The following METAP1 variants were observed in gnomAD, a reference collection of about 807,000 sequenced individuals.
METAP1 encodes the protein methionyl aminopeptidase 1.
A neutral mutation model predicts 53.8 loss-of-function variants in METAP1; 28 were observed. The observed-to-expected ratio is 0.52, with a 90% CI of 0.39 to 0.71. The LOEUF (loss-of-function observed/expected upper bound fraction) is 0.71, where lower values mean the gene tolerates loss of function less well. METAP1 is among the 30% of genes least tolerant of loss of function. The probability of loss-of-function intolerance (pLI) is 0.00; values close to 1 mark genes in which losing one functional copy is unlikely to be tolerated. For missense variants in METAP1, 389 were observed against 479.8 expected (o/e 0.81, Z 1.77); for synonymous variants, 181 against 165.7 (o/e 1.09, Z -0.71).
At chr4:99,056,475 G>A (rs1429925554) in intron 9 of METAP1, among the ~76,000 whole-genome samples, 1 of 152,138 alleles carries the variant, frequency 6.6e-6, no homozygotes, top group Admixed American at 6.5e-5. Flanking sequence ...AGTACTTGGA[G>A]AGAGAAATGG....
intron 10 of METAP1, among the ~76,000 whole-genome samples, 162 bp from the exon 11 acceptor site, chr4:99,060,992 C>T (rs1727510166): frequency 6.6e-6 from 1 of 152,148 alleles, no homozygotes; most frequent in Non-Finnish European, 1.5e-5. Context: ...GAAATTTAAA[C>T]ATCAAACATA....
intron 1 of METAP1, chr4:99,022,561 T>G: frequency 1.6e-6 from 1 of 645,112 alleles, no homozygotes. Flanking sequence ...TTGTCCCCAT[T>G]CCACACTTTG....
chr4:99,040,518 A>T (rs1725780494), intron 5 of METAP1, among the ~76,000 whole-genome samples: 2 of 151,242 alleles, frequency 1.3e-5, no homozygotes, highest in South Asian at 2.1e-4. Context: ...CTCAGGCTAG[A>T]GTACAGTGGC....
chr4:99,026,540 T>G, intron 1 of METAP1: 4 of 985,332 alleles, frequency 4.1e-6, no homozygotes, highest in Non-Finnish European at 4.8e-6. Flanking sequence ...GGAAGTGTGG[T>G]GTTTGCCTGG....
chr4:99,022,925 C>T (rs1579270553), intron 1 of METAP1: 1 of 1,500,304 alleles, frequency 6.7e-7, no homozygotes, highest in Non-Finnish European at 9.0e-7. Context: ...CTGACCTCAC[C>T]ATAGGCACTG....
intron 1 of METAP1, among the ~76,000 whole-genome samples, chr4:99,024,587 C>T (rs899405794): frequency 6.6e-6 from 1 of 152,198 alleles, no homozygotes; most frequent in South Asian, 2.1e-4. Flanking sequence ...TGGGTGATGG[C>T]AGCTGATCCA....
At position 99,057,786 on chromosome 4, in the gene METAP1, A is replaced by G. The variant is rs1727259714; in HGVS notation, c.965A>G (p.His322Arg). The change falls in exon 10 of 11, where the codon CAT (histidine) becomes CGT (arginine). Residue 322 changes from histidine (H) to arginine (R), a missense_variant. His to Arg is a conservative substitution (Grantham distance 29). Coordinates refer to ENST00000296411, the MANE Select transcript of METAP1 (RefSeq NM_015143.3). ...NKAVGVMKSG[H>R]VFTIEPMICE... ...GCAGTTGGAGTGATGAAGTCGGGCC[A>G]TGTATTTACAATTGAGCCAATGATT... 6.3e-7 allele frequency: 1 copy of G among 1,596,858 alleles called. No individual in the cohort carries two copies. Among genetic ancestry groups the G allele is most frequent in the Non-Finnish European group, 8.5e-7 (1 of 1,171,134 alleles).
At position 99,003,083 on chromosome 4, in the gene METAP1, A is replaced by G. The variant is rs139042034; in HGVS notation, c.114+7216A>G. ...GACTGTCTCAAAAACAAACAAACAAACAAAAAACAACAAACCAAGAAAAGC... is the reference window on the plus strand; with the variant it reads ...GACTGTCTCAAAAACAAACAAACAAGCAAAAAACAACAAACCAAGAAAAGC... On this transcript the variant is annotated intron_variant, in intron 1 of 10. Coordinates refer to ENST00000296411, the MANE Select transcript of METAP1 (RefSeq NM_015143.3). Among the ~76,000 whole-genome samples the G allele has an allele frequency of 7.9e-4, 120 of 152,008 alleles. No homozygotes were observed. In the Middle Eastern group the frequency reaches 0.01, roughly 13 times the overall value.
At chr4:99,029,798 A>G (rs1177614363) in intron 2 of METAP1, among the ~76,000 whole-genome samples, 1 of 152,168 alleles carries the variant, frequency 6.6e-6, no homozygotes, top group Admixed American at 6.5e-5. Context: ...TACCAAAACA[A>G]ATCTAATTGA....
intron 1 of METAP1, among the ~76,000 whole-genome samples, chr4:99,027,293 G>A (rs1724628830): frequency 6.6e-6 from 1 of 152,096 alleles, no homozygotes; most frequent in Non-Finnish European, 1.5e-5. Context: ...AACCCACTGG[G>A]GTACAGATGC....
At chr4:99,033,973 G>C (rs1725248230) in intron 2 of METAP1, among the ~76,000 whole-genome samples, 1 of 152,268 alleles carries the variant, frequency 6.6e-6, no homozygotes, top group South Asian at 2.1e-4. Flanking sequence ...CTTAGTATAT[G>C]TTTACATGGA....
chr4:99,012,644 C>A (rs898091777), intron 1 of METAP1, among the ~76,000 whole-genome samples: 2 of 145,718 alleles, frequency 1.4e-5, no homozygotes, highest in Non-Finnish European at 3.0e-5. Flanking sequence ...TTGGCTGTAT[C>A]CCATAAAGTT....
chr4:99,027,711 C>A (rs552412477), intron 1 of METAP1, among the ~76,000 whole-genome samples: 1 of 152,296 alleles, frequency 6.6e-6, no homozygotes, highest in East Asian at 1.9e-4. Flanking sequence ...ACTGAAAAAT[C>A]TCTAATGCTG....
chr4:99,033,121 G>C (rs1056189503), intron 2 of METAP1, among the ~76,000 whole-genome samples: 1 of 151,992 alleles, frequency 6.6e-6, no homozygotes, highest in African/African-American at 2.4e-5. Flanking sequence ...CACAGTCTCT[G>C]TTTCCTCATA....
chr4:99,061,233 C>T lies in METAP1; in HGVS notation c.1077C>T (p.His359=). ...RDGKRSAQFE[H]TLLVTDTGCE... ...GAAAGCGGTCTGCTCAGTTTGAGCA[C>T]ACCCTCCTGGTCACAGACACTGGCT... The change falls in exon 11 of 11, where the codon CAC becomes CAT. Residue 359 remains histidine (H), a synonymous_variant. Transcript: ENST00000296411. The T allele has an allele frequency of 6.2e-7, 1 of 1,613,880 alleles. No homozygotes were observed. Among genetic ancestry groups the T allele is most frequent in the Non-Finnish European group, 8.5e-7 (1 of 1,179,788 alleles).
intron 1 of METAP1, chr4:99,022,713 CATAAT>C: frequency 6.6e-7 from 1 of 1,514,506 alleles, no homozygotes; most frequent in African/African-American, 1.4e-5. Context: ...TTCCATAGGT[CATAAT>C]GGGAGGGGCT....
intron 4 of METAP1, among the ~76,000 whole-genome samples, chr4:99,037,212 C>T (rs1008494889): frequency 1.4e-4 from 21 of 151,726 alleles, no homozygotes; most frequent in African/African-American, 3.6e-4. Context: ...AGTATATTAA[C>T]GAAAATAACC....
intron 1 of METAP1, among the ~76,000 whole-genome samples, chr4:99,000,047 T>C (rs1722847737): frequency 6.6e-6 from 1 of 152,216 alleles, no homozygotes; most frequent in Non-Finnish European, 1.5e-5. Flanking sequence ...CAGTAGGCCC[T>C]CATTTCCTTA....
intron 5 of METAP1, 135 bp from the exon 6 acceptor site, chr4:99,040,902 ATATATT>A (rs1477155173): frequency 2.1e-5 from 6 of 286,992 alleles, no homozygotes; most frequent in Non-Finnish European, 3.7e-5. Context: ...TTTACATATA[ATATATT>A]TATATATTTT....
Sources: gnomAD v4.1 joint callset for allele counts (sites outside exome capture counted in the v4.1 genomes callset) on GRCh38, gnomAD v4.1.1 for gene constraint, MANE v1.5 for transcripts, NCBI Gene and HGNC (gene_info 2026-07-23, HGNC 2026-07-21) for gene names.